ESRRG: variants seen among roughly 807,000 people sequenced by gnomAD.
ESRRG encodes estrogen-related receptor gamma.
In ESRRG, 13 loss-of-function variants were observed where a neutral mutation model predicts 44.0. That is an observed-to-expected ratio of 0.30 (90% CI 0.19 to 0.47). The LOEUF (loss-of-function observed/expected upper bound fraction) is 0.47, where lower values mean the gene tolerates loss of function less well. Ranked by LOEUF, ESRRG falls within the 20% of genes least tolerant of loss-of-function variation. The pLI is 1.00. For missense variants in ESRRG, 395 were observed against 580.6 expected (o/e 0.68, Z 3.29); for synonymous variants, 215 against 214.6 (o/e 1.00, Z -0.02).
At chr1:216,932,642 T>C (rs1282765057) in intron 2 of ESRRG, among the ~76,000 whole-genome samples, 1 of 151,176 alleles carries the variant, frequency 6.6e-6, no homozygotes, top group Non-Finnish European at 1.5e-5. Context: ...CTCAAATTCC[T>C]GAATTCCTGA....
At chr1:217,136,426 G>A (rs1248662131) in intron 1 of ESRRG, among the ~76,000 whole-genome samples, 1 of 152,188 alleles carries the variant, frequency 6.6e-6, no homozygotes, top group Non-Finnish European at 1.5e-5. Flanking sequence ...TCAACCCTAG[G>A]CTCTGGCCTA....
intron 5 of ESRRG, among the ~76,000 whole-genome samples, chr1:216,531,690 C>T (rs1055219969): frequency 6.6e-6 from 1 of 152,076 alleles, no homozygotes; most frequent in African/African-American, 2.4e-5. Flanking sequence ...ATATATGATA[C>T]ACAAACCAAA....
rs553636172 is a variant in ESRRG, at chr1:216,542,749, T to C, written c.862+21470A>G. On this transcript the variant is annotated intron_variant, in intron 5 of 6. Transcript: ENST00000408911. Reference sequence around the variant, plus strand: ...CAATAATGTAGAATTGAATTTTTCTTCTCTCTACCTATTTATTCATTTATG... The same window carrying C: ...CAATAATGTAGAATTGAATTTTTCTCCTCTCTACCTATTTATTCATTTATG... Among the ~76,000 whole-genome samples, 7 of 152,136 alleles carry C rather than the reference T, an allele frequency of 4.6e-5. No homozygotes were observed. The South Asian group carries it at 1.2e-3, about 27-fold the overall frequency.
chr1:216,523,910 A>G (rs951785175), intron 5 of ESRRG, among the ~76,000 whole-genome samples: 2 of 151,934 alleles, frequency 1.3e-5, no homozygotes, highest in Admixed American at 6.6e-5. Context: ...TAATTATGCC[A>G]TAATGACTCA....
At chr1:216,515,496 C>T (rs2043982278) in intron 6 of ESRRG, among the ~76,000 whole-genome samples, 1 of 152,102 alleles carries the variant, frequency 6.6e-6, no homozygotes, top group African/African-American at 2.4e-5. Context: ...CTTGAAATTA[C>T]ACAACTCTGC....
chr1:217,081,898 T>G (rs865876998), intron 1 of ESRRG, among the ~76,000 whole-genome samples: 6 of 152,256 alleles, frequency 3.9e-5, no homozygotes, highest in Non-Finnish European at 8.8e-5. Context: ...ATGGCAAAAG[T>G]GCCAATGACA....
In ESRRG at chr1:217,057,261, G is replaced by T. The variant is rs1483332581; in HGVS notation, c.-106+32246C>A. On this transcript the variant is annotated intron_variant, in intron 1 of 7. Coordinates refer to the ESRRG transcript ENST00000359162. ...TATTTTTAAAATGCTACACACACAT[G>T]AAAAGGAAGTTCTGTGACGTTAGTG... 2.0e-5 allele frequency among the ~76,000 whole-genome samples: 3 copies of T among 152,250 alleles called. No homozygotes were observed. The East Asian group carries it at 5.8e-4, about 29-fold the overall frequency.
chr1:217,110,170 T>G lies in ESRRG; in HGVS notation c.-230+27497A>C, dbSNP rs201921769. On this transcript the variant is annotated intron_variant, in intron 1 of 8. Coordinates refer to the ESRRG transcript ENST00000366940. ...AAAACATTGCTCATCAATCACAACATCCTTTCATGCACACGCCAAATATGG... is the reference window on the plus strand; with the variant it reads ...AAAACATTGCTCATCAATCACAACAGCCTTTCATGCACACGCCAAATATGG... Among the ~76,000 whole-genome samples the G allele has an allele frequency of 7.2e-4, 109 of 152,288 alleles. 1 individual carries two copies. The East Asian group carries it at 9.9e-3, about 14-fold the overall frequency.
chr1:216,629,151 C>G (rs1026899090), intron 3 of ESRRG, among the ~76,000 whole-genome samples: 2 of 152,180 alleles, frequency 1.3e-5, no homozygotes, highest in African/African-American at 4.8e-5. Context: ...TCCTGTTCAC[C>G]TAGAACTCTC....
intron 1 of ESRRG, among the ~76,000 whole-genome samples, chr1:216,949,398 G>T (rs1175783859): frequency 1.3e-5 from 2 of 152,138 alleles, no homozygotes; most frequent in African/African-American, 4.8e-5. Context: ...ATAAGCATGT[G>T]TTTCTGGTTT....
chr1:216,541,621 T>A (rs922540047), intron 5 of ESRRG, among the ~76,000 whole-genome samples: 1 of 148,340 alleles, frequency 6.7e-6, no homozygotes, highest in African/African-American at 2.5e-5. Flanking sequence ...TGATCAGCTA[T>A]TCATACCCTG....
intron 1 of ESRRG, among the ~76,000 whole-genome samples, chr1:217,054,775 C>T (rs895524741): frequency 2.6e-5 from 4 of 151,800 alleles, no homozygotes; most frequent in African/African-American, 9.7e-5. Context: ...AAAAAAAACA[C>T]AGATGAGAAA....
chr1:216,526,722 C>T (rs1439152976), intron 5 of ESRRG, among the ~76,000 whole-genome samples: 2 of 152,300 alleles, frequency 1.3e-5, no homozygotes, highest in East Asian at 3.9e-4. Flanking sequence ...CCAGTTCCAA[C>T]AGTTTCTAAT....
chr1:216,698,480 C>T (rs2080705068), intron 1 of ESRRG, among the ~76,000 whole-genome samples: 1 of 141,374 alleles, frequency 7.1e-6, no homozygotes, highest in African/African-American at 2.6e-5. Flanking sequence ...GATCACGCCA[C>T]TGCACTCCAG....
chr1:216,787,599 C>CAAAAAAA, intron 2 of ESRRG, among the ~76,000 whole-genome samples: 1 of 76,438 alleles, frequency 1.3e-5, no homozygotes, highest in Non-Finnish European at 2.5e-5. Flanking sequence ...AAGACTCCAT[C>CAAAAAAA]AAAAAAAAAA....
chr1:216,866,453 G>C (rs752448180), intron 2 of ESRRG, among the ~76,000 whole-genome samples: 1 of 152,140 alleles, frequency 6.6e-6, no homozygotes, highest in South Asian at 2.1e-4. Context: ...TAGTTTCTAC[G>C]GAAGATCTAC....
intron 2 of ESRRG, among the ~76,000 whole-genome samples, chr1:216,799,733 A>T (rs898833994): frequency 9.2e-5 from 14 of 152,276 alleles, no homozygotes; most frequent in African/African-American, 3.4e-4. Flanking sequence ...AACCAAGGGG[A>T]CAAAATTTTG....
Position 217,038,679 on chromosome 1 carries a change from C to T in ESRRG, c.-106+50828G>A, listed in dbSNP as rs1383199161. On this transcript the variant is annotated intron_variant, in intron 1 of 7. Coordinates refer to the ESRRG transcript ENST00000359162. ...AGGAAGCCATCTTTTCTTTCCAGGACTCTGGACCTGTGATGGGAGGGGCTG... is the reference window on the plus strand; with the variant it reads ...AGGAAGCCATCTTTTCTTTCCAGGATTCTGGACCTGTGATGGGAGGGGCTG... Among the ~76,000 whole-genome samples, 7 of 152,206 alleles carry T rather than the reference C, an allele frequency of 4.6e-5. No individual in the cohort carries two copies. The South Asian group carries it at 8.3e-4, about 18-fold the overall frequency.
chr1:216,566,915 TG>T (rs1332609195), intron 4 of ESRRG, among the ~76,000 whole-genome samples: 1 of 152,228 alleles, frequency 6.6e-6, no homozygotes, highest in Non-Finnish European at 1.5e-5. Context: ...ATAGCTAAAA[TG>T]TCCTTTCATT....
Sources: gnomAD v4.1 joint callset for allele counts (sites outside exome capture counted in the v4.1 genomes callset) on GRCh38, gnomAD v4.1.1 for gene constraint, MANE v1.5 for transcripts, NCBI Gene and HGNC (gene_info 2026-07-23, HGNC 2026-07-21) for gene names.